Variants in ZNF875 observed in about 807,000 individuals in gnomAD.
ZNF875 encodes the protein zinc finger protein 875, also known as HKR1, GLI-Kruppel zinc finger family member.
Under a neutral mutation model 11.2 loss-of-function variants are expected in ZNF875, and 14 were observed. The observed-to-expected ratio is 1.26, with a 90% CI of 0.83 to 1.96. The LOEUF (loss-of-function observed/expected upper bound fraction) is 1.96, where lower values mean the gene tolerates loss of function less well. Ranked by LOEUF, ZNF875 falls within the 30% of genes most tolerant of loss-of-function variation. The pLI, the probability that ZNF875 is intolerant of heterozygous loss-of-function variation, is 0.00. For missense variants in ZNF875, 752 were observed against 760.4 expected (o/e 0.99, Z 0.13); for synonymous variants, 301 against 281.1 (o/e 1.07, Z -0.71).
intron 2 of ZNF875, among the ~76,000 whole-genome samples, chr19:37,344,108 T>C (rs2036305439): frequency 6.6e-6 from 1 of 152,030 alleles, no homozygotes; most frequent in South Asian, 2.1e-4. Flanking sequence ...AATGGCCCCA[T>C]AAGGTAAGTA....
Position 37,345,063 on chromosome 19 carries a change from C to T in ZNF875, c.34-2127C>T, listed in dbSNP as rs1469917489. 3.3e-5 allele frequency: 10 copies of T among 303,346 alleles called. No homozygotes were observed. The Admixed American group carries it at 3.5e-4, about 11-fold the overall frequency. 18.8% of individuals were successfully genotyped at this position (303,346 alleles called of 1,614,324 possible). ...CATGAACTTTTCCTGATCCTCAATC[C>T]TACAGTGACCTCTCCCTCTTGAGAT... On this transcript the variant is annotated intron_variant, in intron 2 of 4. Transcript: ENST00000392153.
chr19:37,363,117 A>G lies in ZNF875; in HGVS notation c.1265A>G (p.Tyr422Cys), dbSNP rs763040356. Residue 422 changes from tyrosine (Y) to cysteine (C), a missense_variant, in exon 5 of 5, where the codon TAT becomes TGT. Transcript: ENST00000392153. ...AGGACACACACAGGAGAGAAGCCTT[A>G]TGTATGCACAGAATGTGGGCGTCAC... The part of the protein sequence containing the change: ...HLRTHTGEKP[Y>C]VCTECGRHFS... 20 of 1,613,776 alleles carry G rather than the reference A, an allele frequency of 1.2e-5. No individual in the cohort carries two copies. In the East Asian group the frequency reaches 4.0e-4, roughly 32 times the overall value.
At chr19:37,335,009 G>T in intron 1 of ZNF875, 160 bp from the exon 2 acceptor site, 1 of 549,448 alleles carries the variant, frequency 1.8e-6, no homozygotes, top group Non-Finnish European at 3.3e-6. Flanking sequence ...GCTTGAGGGT[G>T]GCTGGGTCAT....
chr19:37,347,332 C>T lies in ZNF875; in HGVS notation c.160+16C>T, dbSNP rs915202014. The T allele has an allele frequency of 6.2e-6, 10 of 1,605,218 alleles. No homozygotes were observed. Among genetic ancestry groups the T allele is most frequent in the Non-Finnish European group, 7.7e-6 (9 of 1,174,844 alleles). Reference sequence around the variant, plus strand: ...GTCTCACTGGGTAAGAATGGCCTCCCTTGGCACTTAAAATCTGCCCTACAG... The same window carrying T: ...GTCTCACTGGGTAAGAATGGCCTCCTTTGGCACTTAAAATCTGCCCTACAG... On this transcript the variant is annotated intron_variant, in intron 3 of 4. Transcript: ENST00000392153.
At chr19:37,350,413 C>A (rs1396637575) in intron 4 of ZNF875, among the ~76,000 whole-genome samples, 1 of 151,974 alleles carries the variant, frequency 6.6e-6, no homozygotes, top group African/African-American at 2.4e-5. Flanking sequence ...TTTAAACAAA[C>A]TGTGAAATAA....
chr19:37,352,871 T>C (rs1407533033), intron 4 of ZNF875, among the ~76,000 whole-genome samples: 1 of 118,152 alleles, frequency 8.5e-6, no homozygotes, highest in Non-Finnish European at 1.6e-5. Context: ...TAGATTCTTT[T>C]TTCTTTTTTT....
chr19:37,354,903 A>G (rs889926560), intron 4 of ZNF875, among the ~76,000 whole-genome samples: 3 of 152,232 alleles, frequency 2.0e-5, no homozygotes, highest in African/African-American at 7.2e-5. Flanking sequence ...CAAATGGGCT[A>G]CCATCCAACC....
intron 4 of ZNF875, among the ~76,000 whole-genome samples, chr19:37,360,056 T>C (rs953297495): frequency 1.3e-5 from 2 of 152,238 alleles, no homozygotes; most frequent in Non-Finnish European, 2.9e-5. Flanking sequence ...TTTACAGTTT[T>C]AGCTCTTACA....
At chr19:37,352,718 A>G (rs2038135510) in intron 4 of ZNF875, among the ~76,000 whole-genome samples, 1 of 152,020 alleles carries the variant, frequency 6.6e-6, no homozygotes, top group Non-Finnish European at 1.5e-5. Context: ...GGAGTATTGA[A>G]TGCATTAGCA....
chr19:37,356,139 A>G (rs1194312140), intron 4 of ZNF875, among the ~76,000 whole-genome samples: 1 of 152,132 alleles, frequency 6.6e-6, no homozygotes, highest in Admixed American at 6.5e-5. Context: ...ATAGTATTTC[A>G]TGGTGTGTGT....
chr19:37,347,427 C>T (rs2037026036), intron 3 of ZNF875, 111 bp downstream of exon 3: 2 of 1,073,894 alleles, frequency 1.9e-6, no homozygotes, highest in Non-Finnish European at 1.3e-6. Flanking sequence ...AGCTTGAAAA[C>T]AATTTACTTT....
At chr19:37,345,035 TC>T (rs2146214825) in intron 2 of ZNF875, 2 of 367,872 alleles carry the variant, frequency 5.4e-6, no homozygotes, top group Admixed American at 7.2e-5. Flanking sequence ...AGTACCTCCT[TC>T]TCATGAACTT....
chr19:37,343,199 T>C (rs2036093270), intron 2 of ZNF875, among the ~76,000 whole-genome samples: 1 of 151,800 alleles, frequency 6.6e-6, no homozygotes, highest in African/African-American at 2.4e-5. Context: ...TAGCCGGGTG[T>C]GGTGGTACAC....
chr19:37,344,080 A>G (rs2036299132), intron 2 of ZNF875, among the ~76,000 whole-genome samples: 2 of 152,112 alleles, frequency 1.3e-5, no homozygotes, highest in African/African-American at 2.4e-5. Flanking sequence ...GCCAATAGCA[A>G]CTTTGTTTAA....
exon 1 of ZNF875, chr19:37,318,063 C>T (rs1388035196): frequency 6.4e-6 from 1 of 155,528 alleles, no homozygotes; most frequent in Admixed American, 6.5e-5. Context: ...CGGCCATCGC[C>T]ACGGCGGGAA....
chr19:37,337,202 G>A (rs1159088538), intron 2 of ZNF875: 3 of 152,070 alleles, frequency 2.0e-5, no homozygotes, highest in Non-Finnish European at 2.9e-5. Flanking sequence ...TTATACTGAG[G>A]TTGAAACCAT....
At chr19:37,334,648 C>G, upstream of ZNF875, 1 of 455,872 alleles carries the variant, frequency 2.2e-6, no homozygotes, top group South Asian at 1.5e-5. Context: ...ACGTCAGAAA[C>G]ACTTCCGGTC....
intron 2 of ZNF875, among the ~76,000 whole-genome samples, chr19:37,338,577 ACAACTT>A (rs144234100): frequency 0.025 from 3,758 of 152,286 alleles, 176 homozygotes; most frequent in African/African-American, 0.085. Flanking sequence ...CTGTATATAA[ACAACTT>A]GTTCTTCAAT....
At chr19:37,315,426 A>C (rs1171738019), upstream of ZNF875, 1 of 152,230 alleles carries the variant, frequency 6.6e-6, no homozygotes, top group African/African-American at 2.4e-5. Context: ...GTGTTTGGGA[A>C]CAGTCACAGA....
Sources: gnomAD v4.1 joint callset for allele counts (sites outside exome capture counted in the v4.1 genomes callset) on GRCh38, gnomAD v4.1.1 for gene constraint, MANE v1.5 for transcripts, NCBI Gene and HGNC (gene_info 2026-07-23, HGNC 2026-07-21) for gene names.